The following LCA5L variants were observed in gnomAD, a reference collection of about 807,000 sequenced individuals.
LCA5L encodes lebercilin LCA5 like, also known as lebercilin-like protein.
A neutral mutation model predicts 45.4 loss-of-function variants in LCA5L; 35 were observed. That is an observed-to-expected ratio of 0.77 (90% CI 0.59 to 1.02). LCA5L has a LOEUF of 1.02. Ranked by LOEUF, LCA5L falls within the 50% of genes least tolerant of loss-of-function variation. The pLI is 0.00. For synonymous variants in LCA5L, 233 were observed against 264.7 expected, an observed-to-expected ratio of 0.88 and a Z score of 1.16; for missense variants, 668 against 761.6, an observed-to-expected ratio of 0.88 and a Z score of 1.45.
intron 7 of LCA5L, among the ~76,000 whole-genome samples, chr21:39,417,851 C>T (rs753156427): frequency 5.3e-5 from 8 of 152,078 alleles, no homozygotes; most frequent in African/African-American, 1.2e-4. Flanking sequence ...CTGCAAGCTC[C>T]GCCTCCCGAG....
rs147915021 is a variant in LCA5L, at chr21:39,414,713, CCTCT to C, written c.976-2915_976-2912del. ...AGTACTGCATCTGTCTGGTTCTCTC[CCTCT>C]CTCTCTCTCTCTCTCTCTCTCTCTC... On this transcript the variant is annotated intron_variant, in intron 7 of 10. Transcript: ENST00000288350. Among the ~76,000 whole-genome samples the C allele has an allele frequency of 3.4e-3, 411 of 119,872 alleles. 10 individuals carry two copies. Among genetic ancestry groups the C allele is most frequent in the African/African-American group, 7.9e-3 (238 of 30,196 alleles). 78.6% of individuals were successfully genotyped at this position (119,872 alleles called of 152,430 possible).
Position 39,423,207 on chromosome 21 carries a change from T to C in LCA5L, c.606A>G (p.Lys202=), listed in dbSNP as rs770869065. ...SQNNLPQIMA[K]HQNEVKNLRQ... is the part of the protein sequence containing the mutation. Reference sequence around the variant, plus strand: ...TTAAATTTTTTACTTCATTCTGATGTTTAGCCATAATTTGAGGTAGATTAT... The same window carrying C: ...TTAAATTTTTTACTTCATTCTGATGCTTAGCCATAATTTGAGGTAGATTAT... Residue 202 remains lysine, a synonymous_variant, in exon 6 of 11, where the codon AAA becomes AAG. Coordinates refer to ENST00000288350, the MANE Select transcript of LCA5L (RefSeq NM_152505.4). 6.2e-7 allele frequency: 1 copy of C among 1,612,682 alleles called. No individual in the cohort carries two copies. The highest frequency in any genetic ancestry group is 1.1e-5 in the South Asian group (1 of 90,524).
intron 5 of LCA5L, among the ~76,000 whole-genome samples, chr21:39,425,161 G>A (rs920973706): frequency 1.3e-5 from 2 of 152,222 alleles, no homozygotes; most frequent in African/African-American, 2.4e-5. Context: ...CTCTAAAAAT[G>A]TCTGATCCTC....
At chr21:39,426,819 T>A (rs951948052) in intron 5 of LCA5L, among the ~76,000 whole-genome samples, 2 of 152,214 alleles carry the variant, frequency 1.3e-5, no homozygotes, top group African/African-American at 2.4e-5. Context: ...AGTACTGGAC[T>A]TTTCATTTCC....
intron 2 of LCA5L, among the ~76,000 whole-genome samples, chr21:39,441,670 A>G (rs2076873932): frequency 6.6e-6 from 1 of 152,206 alleles, no homozygotes; most frequent in African/African-American, 2.4e-5. Flanking sequence ...CACCTTCAGG[A>G]TAAGAACCCG....
chr21:39,421,118 T>C (rs887349385), intron 6 of LCA5L, among the ~76,000 whole-genome samples: 9 of 149,414 alleles, frequency 6.0e-5, no homozygotes, highest in Non-Finnish European at 8.9e-5. Context: ...TTTTTTTTTT[T>C]CTAAGTTGGA....
chr21:39,409,602 T>A lies in LCA5L; in HGVS notation c.1282+377A>T, dbSNP rs374224763. Among the ~76,000 whole-genome samples the A allele has an allele frequency of 3.9e-3, 591 of 152,142 alleles. 1 individual carries two copies. The highest frequency in any genetic ancestry group is 0.014 in the African/African-American group (576 of 41,520). On this transcript the variant is annotated intron_variant, in intron 10 of 10. Coordinates refer to ENST00000288350, the MANE Select transcript of LCA5L (RefSeq NM_152505.4). This position sits in a 1 kb window ranked among gnomAD's most constrained non-coding sequence, Gnocchi z 4.2. Reference sequence around the variant, plus strand: ...TGGAAACGGTTTTATGTTTTTTTTTTAATTTTTTGAGACAGAGTCTCACTC... The same window carrying A: ...TGGAAACGGTTTTATGTTTTTTTTTAAATTTTTTGAGACAGAGTCTCACTC...
At chr21:39,441,141 GC>G (rs1275358166) in intron 2 of LCA5L, among the ~76,000 whole-genome samples, 6 of 152,020 alleles carry the variant, frequency 3.9e-5, no homozygotes, top group Non-Finnish European at 8.8e-5. Context: ...TTTGAGAGCA[GC>G]CTGGGCAACA....
At chr21:39,425,184 GA>G (rs2074457683) in intron 5 of LCA5L, among the ~76,000 whole-genome samples, 6 of 152,194 alleles carry the variant, frequency 3.9e-5, no homozygotes, top group Admixed American at 3.9e-4. Flanking sequence ...TCTGGAGAGG[GA>G]AGGACACTTA....
At chr21:39,433,765 CTTTT>C (rs10574657) in intron 3 of LCA5L, among the ~76,000 whole-genome samples, 3 of 136,650 alleles carry the variant, frequency 2.2e-5, no homozygotes, top group Middle Eastern at 3.8e-3. Flanking sequence ...GTTACTGTAG[CTTTT>C]TTTTTTTTTT....
chr21:39,433,860 G>A (rs1272870485), intron 3 of LCA5L, among the ~76,000 whole-genome samples: 1 of 149,848 alleles, frequency 6.7e-6, no homozygotes, highest in African/African-American at 2.5e-5. Flanking sequence ...CACCTCCTGG[G>A]TTCAAGTGAT....
intron 7 of LCA5L, among the ~76,000 whole-genome samples, chr21:39,416,756 AAAC>A (rs758661011): frequency 3.9e-5 from 6 of 152,320 alleles, no homozygotes; most frequent in Non-Finnish European, 5.9e-5. Flanking sequence ...AACATTCTCA[AAAC>A]AACAACATCA....
chr21:39,415,141 A>G (rs555657879), intron 7 of LCA5L, among the ~76,000 whole-genome samples: 61 of 152,144 alleles, frequency 4.0e-4, no homozygotes, highest in Non-Finnish European at 7.2e-4. Flanking sequence ...GGCTCAAAAG[A>G]TCCTTCTGCC....
rs397972848 is a variant in LCA5L at position 39,420,522 on chromosome 21, C to CAAA, written c.975+181_975+183dup. Among the ~76,000 whole-genome samples the CAAA allele has an allele frequency of 1.8e-4, 16 of 87,136 alleles. 1 individual carries two copies. The highest frequency in any genetic ancestry group is 1.1e-3 in the Admixed American group (7 of 6,468). 57.2% of individuals were successfully genotyped at this position (87,136 alleles called of 152,430 possible). A position where few individuals can be genotyped will look rare whatever the true frequency, so the allele number is the denominator to read the frequency against. On this transcript the variant is annotated intron_variant, in intron 7 of 10. Transcript: ENST00000288350. ...TGGGTGACAGAGCAAGATTCTATCT[C>CAAA]AAAAAAAAAAAAAAAAAAAGATAAA...
intron 5 of LCA5L, among the ~76,000 whole-genome samples, chr21:39,425,101 T>C (rs2074436933): frequency 6.6e-6 from 1 of 152,220 alleles, no homozygotes; most frequent in Non-Finnish European, 1.5e-5. Flanking sequence ...CAAGTGTATG[T>C]ATTCATATAT....
rs1157491818 is a variant in LCA5L, at chr21:39,407,517, G to C, written c.1283-905C>G. ...AGTGCAACGATGTTCACTGTGGCGTGGGTTAGTAACAATAAAACCTCCTAA... is the reference window on the plus strand; with the variant it reads ...AGTGCAACGATGTTCACTGTGGCGTCGGTTAGTAACAATAAAACCTCCTAA... On this transcript the variant is annotated intron_variant, in intron 10 of 10. Transcript: ENST00000288350. 2.6e-5 allele frequency among the ~76,000 whole-genome samples: 4 copies of C among 152,236 alleles called. No individual in the cohort carries two copies. The East Asian group carries it at 7.7e-4, about 29-fold the overall frequency.
intron 7 of LCA5L, chr21:39,414,148 G>A (rs2040608734): frequency 6.6e-6 from 1 of 152,294 alleles, no homozygotes; most frequent in Non-Finnish European, 1.5e-5. Flanking sequence ...AATGCTCGTG[G>A]AATACTCAGC....
intron 7 of LCA5L, among the ~76,000 whole-genome samples, chr21:39,417,688 A>G (rs1252721393): frequency 6.6e-6 from 1 of 152,196 alleles, no homozygotes; most frequent in Non-Finnish European, 1.5e-5. Context: ...AGGAGGAGCA[A>G]AAGGACTTCT....
rs2039050118 is a variant in LCA5L at position 39,406,217 on chromosome 21, T to C, written c.1678A>G (p.Ser560Gly). The change falls in exon 11 of 11, where the codon AGT becomes GGT. Residue 560 changes from serine to glycine, a missense_variant. Physicochemically the swap from Ser to Gly is moderately conservative, Grantham distance 56 (BLOSUM62 0). Coordinates refer to ENST00000288350, the MANE Select transcript of LCA5L (RefSeq NM_152505.4). ...TCTAGCTCCATTTCCTCTCTGTTACTGAGATGCTTGCCTGTACTATGACTG... is the reference window on the plus strand; with the variant it reads ...TCTAGCTCCATTTCCTCTCTGTTACCGAGATGCTTGCCTGTACTATGACTG... ...RYSHSTGKHL[S>G]NREEMELEHS... 3.1e-6 allele frequency: 5 copies of C among 1,613,004 alleles called. No homozygotes were observed. The highest frequency in any genetic ancestry group is 4.2e-6 in the Non-Finnish European group (5 of 1,179,022).
Sources: allele counts gnomAD v4.1 joint callset (sites outside exome capture counted in the v4.1 genomes callset), GRCh38; gene constraint gnomAD v4.1.1; non-coding constraint Gnocchi (gnomAD v3.1); transcripts MANE v1.5; gene names NCBI Gene and HGNC (gene_info 2026-07-23, HGNC 2026-07-21).